Variants in CFAP299 observed in about 807,000 individuals in gnomAD.
CFAP299 encodes the protein cilia- and flagella-associated protein 299.
CFAP299 carries 21 observed loss-of-function variants against 27.0 expected under a neutral mutation model. That is an observed-to-expected ratio of 0.78 (90% CI 0.55 to 1.12). The LOEUF (loss-of-function observed/expected upper bound fraction) is 1.12, where lower values mean the gene tolerates loss of function less well. Among genes scored for constraint, CFAP299 ranks in the 50% most tolerant of loss-of-function variants. CFAP299 has a pLI of 0.00. For missense variants in CFAP299, 310 were observed against 276.6 expected (o/e 1.12, Z -0.86); for synonymous variants, 104 against 98.1 (o/e 1.06, Z -0.36).
chr4:80,929,884 A>T (rs1736521491), intron 4 of CFAP299, among the ~76,000 whole-genome samples: 1 of 152,130 alleles, frequency 6.6e-6, no homozygotes. Flanking sequence ...ATACACTGTA[A>T]TATTATGAAA....
intron 1 of CFAP299, among the ~76,000 whole-genome samples, chr4:80,362,188 C>T (rs1560530109): frequency 6.6e-6 from 1 of 150,496 alleles, no homozygotes; most frequent in Non-Finnish European, 1.5e-5. Context: ...TTATTGGTAC[C>T]AACATTATAT....
At chr4:80,797,658 GA>G (rs1376208790) in intron 3 of CFAP299, among the ~76,000 whole-genome samples, 1 of 152,134 alleles carries the variant, frequency 6.6e-6, no homozygotes, top group Non-Finnish European at 1.5e-5. Flanking sequence ...TGTTAGGTCT[GA>G]CATACAGAGA....
intron 3 of CFAP299, among the ~76,000 whole-genome samples, chr4:80,712,535 A>T (rs550930456): frequency 6.6e-6 from 1 of 152,284 alleles, no homozygotes; most frequent in South Asian, 2.1e-4. Context: ...ACTTGAGTGA[A>T]TTAAATGTGT....
In CFAP299 at chr4:80,458,093, G is replaced by T. The variant is rs558194124; in HGVS notation, c.242+95209G>T. Among the ~76,000 whole-genome samples the T allele has an allele frequency of 1.1e-3, 161 of 151,650 alleles. 1 individual carries two copies. Among genetic ancestry groups the T allele is most frequent in the African/African-American group, 3.7e-3 (153 of 41,320 alleles). On this transcript the variant is annotated intron_variant, in intron 2 of 5. Coordinates refer to ENST00000358105, the MANE Select transcript of CFAP299 (RefSeq NM_152770.3). ...GCTCTGAATGCTCAGTTTTTAGCCCGTTTATACTCCAGAAAAAAAAGAAAG... is the reference window on the plus strand; with the variant it reads ...GCTCTGAATGCTCAGTTTTTAGCCCTTTTATACTCCAGAAAAAAAAGAAAG...
intron 1 of CFAP299, among the ~76,000 whole-genome samples, chr4:80,344,574 G>T (rs930997695): frequency 7.3e-5 from 11 of 151,178 alleles, no homozygotes; most frequent in African/African-American, 2.7e-4. Context: ...GAGGTATAAA[G>T]AAGAGCTGAT....
At chr4:80,528,451 GA>G (rs1733302146) in intron 2 of CFAP299, among the ~76,000 whole-genome samples, 1 of 152,088 alleles carries the variant, frequency 6.6e-6, no homozygotes, top group African/African-American at 2.4e-5. Context: ...AAGATGGCTA[GA>G]TTCTCCTTTA....
intron 2 of CFAP299, among the ~76,000 whole-genome samples, chr4:80,444,760 A>T (rs187702658): frequency 1.1e-3 from 171 of 152,312 alleles, no homozygotes; most frequent in African/African-American, 3.8e-3. Context: ...GATGGGAGAA[A>T]ATTTTTGCAA....
At chr4:80,873,582 G>C (rs1160473981) in intron 4 of CFAP299, among the ~76,000 whole-genome samples, 2 of 152,148 alleles carry the variant, frequency 1.3e-5, no homozygotes, top group Non-Finnish European at 2.9e-5. Flanking sequence ...TCAGAGAGAG[G>C]AAAAGATAAA....
intron 2 of CFAP299, among the ~76,000 whole-genome samples, chr4:80,414,055 T>C (rs942218546): frequency 1.3e-4 from 18 of 141,948 alleles, no homozygotes; most frequent in African/African-American, 4.6e-4. Flanking sequence ...AAGAAACAAA[T>C]GGGTATTTCT....
At chr4:80,409,367 AATT>A (rs982855007) in intron 2 of CFAP299, among the ~76,000 whole-genome samples, 6 of 152,290 alleles carry the variant, frequency 3.9e-5, no homozygotes, top group African/African-American at 1.4e-4. Flanking sequence ...TACAAATTAA[AATT>A]ATAGAATTCA....
At position 80,392,216 on chromosome 4, in the gene CFAP299, A is replaced by G. The variant is rs142427202; in HGVS notation, c.242+29332A>G. Among the ~76,000 whole-genome samples, 897 of 152,288 alleles carry G rather than the reference A, an allele frequency of 5.9e-3. 11 individuals are homozygous for G. Among genetic ancestry groups the G allele is most frequent in the African/African-American group, 0.02 (851 of 41,580 alleles). Reference sequence around the variant, plus strand: ...AACTTGCTATTGATTTTACAGGCTCATAGGTGGAAGGGACTTGCCTTGTCT... The same window carrying G: ...AACTTGCTATTGATTTTACAGGCTCGTAGGTGGAAGGGACTTGCCTTGTCT... On this transcript the variant is annotated intron_variant, in intron 2 of 5. Transcript: ENST00000358105.
chr4:80,676,055 T>G (rs927892645), intron 3 of CFAP299, among the ~76,000 whole-genome samples: 1 of 152,198 alleles, frequency 6.6e-6, no homozygotes, highest in Admixed American at 6.5e-5. Context: ...ACCCACTGTC[T>G]GACCAGTCCC....
At chr4:80,387,421 G>A (rs1215309556) in intron 2 of CFAP299, 2 of 913,448 alleles carry the variant, frequency 2.2e-6, no homozygotes, top group Non-Finnish European at 3.6e-6. Context: ...GGCAGAACTG[G>A]AACAAGTAGG....
chr4:80,573,382 A>G (rs1042593361), intron 2 of CFAP299, among the ~76,000 whole-genome samples: 1 of 152,088 alleles, frequency 6.6e-6, no homozygotes. Context: ...ATCCCTTGTC[A>G]GAAGGGTAGT....
intron 3 of CFAP299, among the ~76,000 whole-genome samples, chr4:80,716,374 A>G (rs1320377567): frequency 6.7e-6 from 1 of 150,146 alleles, no homozygotes; most frequent in African/African-American, 2.4e-5. Flanking sequence ...GATAGTATTG[A>G]TATATTCTAT....
At chr4:80,814,447 G>A (rs1186278645) in intron 3 of CFAP299, among the ~76,000 whole-genome samples, 6 of 151,930 alleles carry the variant, frequency 3.9e-5, no homozygotes, top group Admixed American at 3.3e-4. Context: ...TTTGAAGGCC[G>A]TTAGATAGTT....
intron 3 of CFAP299, among the ~76,000 whole-genome samples, chr4:80,685,690 C>G (rs1253808796): frequency 6.7e-6 from 1 of 150,024 alleles, no homozygotes; most frequent in African/African-American, 2.5e-5. Flanking sequence ...ATTAAGGTGC[C>G]TGTGCTCTGG....
intron 3 of CFAP299, among the ~76,000 whole-genome samples, chr4:80,811,190 A>T (rs1257933271): frequency 6.6e-6 from 1 of 152,144 alleles, no homozygotes; most frequent in Admixed American, 6.6e-5. Context: ...TATTTAAAAT[A>T]ATAGCAACTT....
At chr4:80,440,530 C>T (rs144176798) in intron 2 of CFAP299, among the ~76,000 whole-genome samples, 7 of 152,116 alleles carry the variant, frequency 4.6e-5, no homozygotes, top group East Asian at 3.9e-4. Context: ...AGGATGCCCA[C>T]GCAAAAACCC....
Sources: gnomAD v4.1 joint callset for allele counts (sites outside exome capture counted in the v4.1 genomes callset) on GRCh38, gnomAD v4.1.1 for gene constraint, MANE v1.5 for transcripts, NCBI Gene and HGNC (gene_info 2026-07-23, HGNC 2026-07-21) for gene names.